CDH4: variants seen among roughly 807,000 people sequenced by gnomAD.
The protein encoded by CDH4 is cadherin 4.
Under a neutral mutation model 86.0 loss-of-function variants are expected in CDH4, and 33 were observed. The observed-to-expected ratio is 0.38, with a 90% CI of 0.29 to 0.51. The LOEUF is 0.51. Ranked by LOEUF, CDH4 falls within the 20% of genes least tolerant of loss-of-function variation. CDH4 has a pLI of 0.86. For missense variants in CDH4, 1,114 were observed against 1,307.4 expected (o/e 0.85, Z 2.28); for synonymous variants, 555 against 549.4 (o/e 1.01, Z -0.14).
rs141172153 is a variant in CDH4 at position 61,368,493 on chromosome 20, C to T, written c.169+113556C>T. Among the ~76,000 whole-genome samples the T allele has an allele frequency of 1.2e-4, 19 of 152,274 alleles. No homozygotes were observed. The East Asian group carries it at 3.7e-3, about 29-fold the overall frequency. On this transcript the variant is annotated intron_variant, in intron 2 of 15. Coordinates refer to ENST00000614565, the MANE Select transcript of CDH4 (RefSeq NM_001794.5). Reference sequence around the variant, plus strand: ...CCTTGATCTTGGACTTCCCAGCCTCCAAAGCAATGAACAATAAATTGCTGT... The same window carrying T: ...CCTTGATCTTGGACTTCCCAGCCTCTAAAGCAATGAACAATAAATTGCTGT...
intron 2 of CDH4, among the ~76,000 whole-genome samples, chr20:61,507,423 C>G (rs2085748973): frequency 6.6e-6 from 1 of 152,162 alleles, no homozygotes; most frequent in Non-Finnish European, 1.5e-5. Context: ...TTTCCGGGAG[C>G]ACGGGAGATC....
chr20:61,334,852 G>T (rs1451888861), intron 2 of CDH4, among the ~76,000 whole-genome samples: 1 of 152,208 alleles, frequency 6.6e-6, no homozygotes, highest in Middle Eastern at 3.2e-3. Context: ...GTGCACGATG[G>T]TGCTGGATGT....
chr20:61,524,257 C>T (rs1354899268), intron 2 of CDH4, among the ~76,000 whole-genome samples: 1 of 152,118 alleles, frequency 6.6e-6, no homozygotes, highest in African/African-American at 2.4e-5. Flanking sequence ...CACAGTCACT[C>T]TCGAGTCATT....
intron 2 of CDH4, among the ~76,000 whole-genome samples, chr20:61,647,536 T>TCC (rs1421441651): frequency 1.5e-5 from 1 of 68,770 alleles, no homozygotes; most frequent in African/African-American, 4.5e-5. Context: ...TCTCTCTCCC[T>TCC]CTCCCTCTCC....
intron 2 of CDH4, among the ~76,000 whole-genome samples, chr20:61,522,962 C>G (rs1235751585): frequency 6.6e-6 from 1 of 152,242 alleles, no homozygotes; most frequent in Non-Finnish European, 1.5e-5. Context: ...TGGCAGTGCC[C>G]TGGCATCAGG....
intron 2 of CDH4, among the ~76,000 whole-genome samples, chr20:61,705,491 C>T (rs752738416): frequency 6.6e-6 from 1 of 152,248 alleles, no homozygotes; most frequent in African/African-American, 2.4e-5. Context: ...GCCCCAGTGG[C>T]CATCTTCACA....
chr20:61,280,552 T>C (rs2084253236), intron 2 of CDH4, among the ~76,000 whole-genome samples: 2 of 152,216 alleles, frequency 1.3e-5, no homozygotes, highest in Admixed American at 1.3e-4. Context: ...AGGCTCCAAC[T>C]AGAAAGCCAG....
chr20:61,339,220 A>G (rs2084636375), intron 2 of CDH4, among the ~76,000 whole-genome samples: 1 of 152,252 alleles, frequency 6.6e-6, no homozygotes, highest in African/African-American at 2.4e-5. Context: ...AAGCATGAAC[A>G]TGAACAGAGA....
At chr20:61,557,716 C>T (rs2086187965) in intron 2 of CDH4, among the ~76,000 whole-genome samples, 1 of 145,798 alleles carries the variant, frequency 6.9e-6, no homozygotes, top group Admixed American at 6.9e-5. Flanking sequence ...GGAGAGGGAA[C>T]CACGGAGCGC....
intron 2 of CDH4, among the ~76,000 whole-genome samples, chr20:61,453,993 T>TGGC (rs2085393901): frequency 6.6e-6 from 1 of 152,204 alleles, no homozygotes; most frequent in Non-Finnish European, 1.5e-5. Flanking sequence ...GCCATGGTTG[T>TGGC]AAGTTTCCTG....
At chr20:61,866,456 C>T (rs1404379402) in intron 6 of CDH4, among the ~76,000 whole-genome samples, 2 of 152,164 alleles carry the variant, frequency 1.3e-5, no homozygotes, top group African/African-American at 4.8e-5. Context: ...ATGGAAGGGG[C>T]CAGCTGCCCT....
chr20:61,502,975 A>C (rs902887377), intron 2 of CDH4, among the ~76,000 whole-genome samples: 4 of 152,212 alleles, frequency 2.6e-5, no homozygotes, highest in Admixed American at 2.6e-4. Flanking sequence ...CTGCACGCCA[A>C]AGATGATTAT....
chr20:61,532,944 G>A (rs1473069843), intron 2 of CDH4, among the ~76,000 whole-genome samples: 1 of 152,154 alleles, frequency 6.6e-6, no homozygotes. Context: ...ACGGGCCGGG[G>A]CTGGGCTGTG....
intron 3 of CDH4, among the ~76,000 whole-genome samples, chr20:61,770,744 G>A (rs1033276717): frequency 3.9e-5 from 6 of 152,152 alleles, no homozygotes; most frequent in African/African-American, 1.4e-4. Flanking sequence ...TTAGCCGGGC[G>A]TGGTGGCGGG....
At chr20:61,664,404 T>G (rs924481270) in intron 2 of CDH4, among the ~76,000 whole-genome samples, 4 of 152,128 alleles carry the variant, frequency 2.6e-5, no homozygotes, top group Admixed American at 1.3e-4. Context: ...AAACCACAGC[T>G]GGGGCATGGG....
chr20:61,590,881 G>C (rs1053608506), intron 2 of CDH4, among the ~76,000 whole-genome samples: 1 of 152,106 alleles, frequency 6.6e-6, no homozygotes, highest in Non-Finnish European at 1.5e-5. Context: ...ATCTATGGGG[G>C]GGGGGGTCCC....
intron 9 of CDH4, among the ~76,000 whole-genome samples, chr20:61,920,862 C>T (rs1265708655): frequency 7.6e-6 from 1 of 132,382 alleles, no homozygotes; most frequent in African/African-American, 2.9e-5. Context: ...AGCATGGTGT[C>T]ACAGTAATTG....
chr20:61,897,908 C>A (rs940419657), intron 8 of CDH4, among the ~76,000 whole-genome samples: 8 of 152,236 alleles, frequency 5.3e-5, no homozygotes, highest in African/African-American at 1.9e-4. Flanking sequence ...CTAACACAGT[C>A]CGGGAGAGGA....
intron 2 of CDH4, among the ~76,000 whole-genome samples, chr20:61,616,131 G>T (rs2086723355): frequency 6.6e-6 from 1 of 152,240 alleles, no homozygotes; most frequent in African/African-American, 2.4e-5. Context: ...AAGCTCAGGG[G>T]CACAGGCAGG....
Sources: allele counts gnomAD v4.1 joint callset (sites outside exome capture counted in the v4.1 genomes callset), GRCh38; gene constraint gnomAD v4.1.1; transcripts MANE v1.5; gene names NCBI Gene and HGNC (gene_info 2026-07-23, HGNC 2026-07-21).